The following ADAMTS17 variants were observed in gnomAD, a reference collection of about 807,000 sequenced individuals.
ADAMTS17 encodes A disintegrin and metalloproteinase with thrombospondin motifs 17.
In ADAMTS17, 113 loss-of-function variants were observed where a neutral mutation model predicts 141.5. That is an observed-to-expected ratio of 0.80 (90% CI 0.69 to 0.93). The LOEUF (loss-of-function observed/expected upper bound fraction) is 0.93. Ranked by LOEUF, ADAMTS17 falls within the 40% of genes least tolerant of loss-of-function variation. ADAMTS17 has a pLI of 0.00. For missense variants in ADAMTS17, 1,659 were observed against 1,517.9 expected, an observed-to-expected ratio of 1.09 and a Z score of -1.54; for synonymous variants, 768 against 630.6, an observed-to-expected ratio of 1.22 and a Z score of -3.27.
Position 100,260,036 on chromosome 15 carries a change from G to A in ADAMTS17, c.1031+1443C>T, listed in dbSNP as rs1212027401. On this transcript the variant is annotated intron_variant, in intron 6 of 21. Coordinates refer to ENST00000268070, the MANE Select transcript of ADAMTS17 (RefSeq NM_139057.4). ...ATTTTTCTATTTTTAGTAGAGACGG[G>A]GTTTCATAATGTTGGCCAAGCTGGT... is the stretch of plus-strand genomic sequence containing the variant. Among the ~76,000 whole-genome samples the A allele has an allele frequency of 1.2e-4, 18 of 152,140 alleles. No homozygotes were observed. In the East Asian group the frequency reaches 3.5e-3, roughly 30 times the overall value.
intron 8 of ADAMTS17, among the ~76,000 whole-genome samples, chr15:100,176,201 C>T (rs1014155030): frequency 9.2e-5 from 14 of 152,276 alleles, no homozygotes; most frequent in Non-Finnish European, 1.5e-4. Flanking sequence ...TTATTACTGA[C>T]GGTGAGATGG....
chr15:100,283,371 C>A (rs11856623), intron 3 of ADAMTS17, among the ~76,000 whole-genome samples: 33,665 of 152,122 alleles, frequency 0.22, 4,982 homozygotes, highest in African/African-American at 0.42. Context: ...GACCTACCCC[C>A]ACACTCACCA....
chr15:100,266,383 G>A (rs1338094963), intron 4 of ADAMTS17, among the ~76,000 whole-genome samples: 1 of 152,190 alleles, frequency 6.6e-6, no homozygotes, highest in African/African-American at 2.4e-5. Flanking sequence ...TGGAGCCTTC[G>A]CCCTCTACAT....
At chr15:100,049,346 G>A (rs977842532) in intron 17 of ADAMTS17, among the ~76,000 whole-genome samples, 5 of 152,166 alleles carry the variant, frequency 3.3e-5, no homozygotes, top group Non-Finnish European at 7.3e-5. Context: ...AAAGTCTATG[G>A]AGATCTGATC....
chr15:100,311,680 A>C (rs193206392), intron 3 of ADAMTS17, among the ~76,000 whole-genome samples: 218 of 152,318 alleles, frequency 1.4e-3, no homozygotes, highest in African/African-American at 4.9e-3. Context: ...CGCACACACA[A>C]AAAATGGCAT....
chr15:100,163,915 G>A (rs1042168318), intron 8 of ADAMTS17, among the ~76,000 whole-genome samples: 15 of 152,202 alleles, frequency 9.9e-5, no homozygotes, highest in Admixed American at 8.5e-4. Flanking sequence ...GCCTCCAGAT[G>A]TAACAGGGAT....
intron 18 of ADAMTS17, among the ~76,000 whole-genome samples, chr15:100,006,567 T>A (rs1165044951): frequency 6.6e-6 from 1 of 152,174 alleles, no homozygotes; most frequent in Non-Finnish European, 1.5e-5. Flanking sequence ...AGGTCGTTAT[T>A]TTCAACAACT....
chr15:100,096,540 C>A, intron 14 of ADAMTS17, 64 bp from the exon 15 acceptor site: 1 of 1,610,978 alleles, frequency 6.2e-7, no homozygotes, highest in Non-Finnish European at 8.5e-7. Context: ...AAGAGGCTGC[C>A]CTGCAAGGCT....
intron 13 of ADAMTS17, among the ~76,000 whole-genome samples, chr15:100,111,073 C>T (rs2036748114): frequency 6.6e-6 from 1 of 152,180 alleles, no homozygotes; most frequent in Non-Finnish European, 1.5e-5. Flanking sequence ...AACATCTGCC[C>T]ACGAGAAGAC....
intron 18 of ADAMTS17, among the ~76,000 whole-genome samples, chr15:100,006,011 G>A (rs1329168691): frequency 6.6e-6 from 1 of 152,034 alleles, no homozygotes; most frequent in Non-Finnish European, 1.5e-5. Context: ...CTGTGTGTCT[G>A]TGTCCTTACA....
At chr15:100,209,055 G>GT (rs543460312) in intron 7 of ADAMTS17, among the ~76,000 whole-genome samples, 136 of 129,512 alleles carry the variant, frequency 1.1e-3, no homozygotes, top group Admixed American at 3.8e-3. Flanking sequence ...TCTTATAGCC[G>GT]TATTTCTAAA....
At chr15:100,233,169 A>G (rs1447335234) in intron 7 of ADAMTS17, among the ~76,000 whole-genome samples, 1 of 152,170 alleles carries the variant, frequency 6.6e-6, no homozygotes, top group Non-Finnish European at 1.5e-5. Context: ...TCTCTACTAA[A>G]AAGACAAAAA....
chr15:100,141,675 C>G (rs537794675), intron 10 of ADAMTS17, among the ~76,000 whole-genome samples: 1 of 152,110 alleles, frequency 6.6e-6, no homozygotes, highest in African/African-American at 2.4e-5. Context: ...TGGGGGCTGC[C>G]GGGTGAGGGT....
At chr15:100,219,664 A>G (rs1172312120) in intron 7 of ADAMTS17, among the ~76,000 whole-genome samples, 1 of 152,176 alleles carries the variant, frequency 6.6e-6, no homozygotes, top group Non-Finnish European at 1.5e-5. Context: ...AAGTCTTCAC[A>G]TGGACAAGGA....
At chr15:100,294,914 G>C (rs1375265598) in intron 3 of ADAMTS17, among the ~76,000 whole-genome samples, 1 of 152,226 alleles carries the variant, frequency 6.6e-6, no homozygotes, top group East Asian at 1.9e-4. Flanking sequence ...GTGGGAAGCA[G>C]AGTGCATGAG....
At chr15:100,064,601 C>T (rs770808305) in intron 15 of ADAMTS17, among the ~76,000 whole-genome samples, 4 of 152,188 alleles carry the variant, frequency 2.6e-5, no homozygotes, top group Non-Finnish European at 5.9e-5. Context: ...CCTTAACACA[C>T]GGTGCACCGT....
intron 14 of ADAMTS17, among the ~76,000 whole-genome samples, chr15:100,105,970 C>T (rs889492892): frequency 4.6e-5 from 7 of 151,836 alleles, no homozygotes; most frequent in Non-Finnish European, 7.4e-5. Context: ...GGATTATAGG[C>T]GTGTGCCACC....
chr15:100,196,629 T>A (rs750293189), intron 8 of ADAMTS17, among the ~76,000 whole-genome samples: 1 of 152,258 alleles, frequency 6.6e-6, no homozygotes, highest in Non-Finnish European at 1.5e-5. Flanking sequence ...ACCTGGAGAC[T>A]TTCTTCACAT....
intron 8 of ADAMTS17, among the ~76,000 whole-genome samples, chr15:100,188,138 G>A (rs960235095): frequency 4.6e-5 from 7 of 151,910 alleles, no homozygotes; most frequent in Non-Finnish European, 8.8e-5. Flanking sequence ...ATGCAATGGC[G>A]TGATTTCGGC....
Sources: allele counts gnomAD v4.1 joint callset (sites outside exome capture counted in the v4.1 genomes callset), GRCh38; gene constraint gnomAD v4.1.1; transcripts MANE v1.5; gene names NCBI Gene and HGNC (gene_info 2026-07-23, HGNC 2026-07-21).